The following OR51B5 variants were observed in gnomAD, a reference collection of about 807,000 sequenced individuals.
OR51B5 encodes olfactory receptor family 51 subfamily B member 5, also known as olfactory receptor 51B5.
For missense variants in OR51B5, 456 were observed against 374.6 expected (o/e 1.22, Z -1.79); for synonymous variants, 186 against 144.8 (o/e 1.28, Z -2.04).
chr11:5,422,017 G>A (rs1318155731), intron 1 of OR51B5: 1 of 561,460 alleles, frequency 1.8e-6, no homozygotes, highest in African/African-American at 1.9e-5. Context: ...GCAGTCTGCA[G>A]AATTGGGCTA....
At chr11:5,448,977 G>A (rs1042484909) in intron 1 of OR51B5, among the ~76,000 whole-genome samples, 3 of 152,204 alleles carry the variant, frequency 2.0e-5, no homozygotes, top group Non-Finnish European at 2.9e-5. Context: ...AAAGAGACAA[G>A]AAGAGTAAAA....
At chr11:5,416,083 C>T (rs1472274504) in intron 1 of OR51B5, among the ~76,000 whole-genome samples, 1 of 149,500 alleles carries the variant, frequency 6.7e-6, no homozygotes, top group Admixed American at 6.7e-5. Context: ...CCACCATGAT[C>T]AAGTGGGCTT....
At chr11:5,358,884 G>C (rs953045765) in intron 1 of OR51B5, among the ~76,000 whole-genome samples, 18 of 152,014 alleles carry the variant, frequency 1.2e-4, no homozygotes, top group African/African-American at 3.9e-4. Flanking sequence ...CAGAACCAAA[G>C]ACAAAAACCA....
intron 1 of OR51B5, among the ~76,000 whole-genome samples, chr11:5,402,281 C>G (rs566155927): frequency 6.6e-6 from 1 of 152,240 alleles, no homozygotes; most frequent in African/African-American, 2.4e-5. Flanking sequence ...TCCCAAAGTG[C>G]TGGAATTACA....
chr11:5,483,887 A>G (rs1340518967), intron 1 of OR51B5, among the ~76,000 whole-genome samples: 1 of 152,140 alleles, frequency 6.6e-6, no homozygotes, highest in Non-Finnish European at 1.5e-5. Flanking sequence ...GAGAAAGGAC[A>G]AGACATTTCA....
chr11:5,390,128 G>A (rs781156448), intron 1 of OR51B5: 1 of 1,613,800 alleles, frequency 6.2e-7, no homozygotes, highest in Admixed American at 1.7e-5. Flanking sequence ...GGCCTCCCAA[G>A]AGGAGCAGCG....
downstream of OR51B5, chr11:5,340,957 C>T (rs541175234): frequency 6.6e-6 from 1 of 152,038 alleles, no homozygotes; most frequent in African/African-American, 2.4e-5. Flanking sequence ...CATATATGCA[C>T]TCACACTCAC....
chr11:5,342,685 C>T, exon 1 of OR51B5: 1 of 1,613,890 alleles, frequency 6.2e-7, no homozygotes, highest in African/African-American at 1.3e-5. Flanking sequence ...GTGGAGGGAA[C>T]AGAAAATAGG....
chr11:5,425,825 T>C (rs1294424136), intron 1 of OR51B5, among the ~76,000 whole-genome samples: 1 of 152,152 alleles, frequency 6.6e-6, no homozygotes, highest in African/African-American at 2.4e-5. Context: ...AGATGTTAAA[T>C]GGATCCATTA....
At chr11:5,402,628 T>C (rs2133742291) in intron 1 of OR51B5, 1 of 471,296 alleles carries the variant, frequency 2.1e-6, no homozygotes, top group South Asian at 1.5e-5. Flanking sequence ...TTGGGGTTTT[T>C]ACCTACGACT....
chr11:5,345,938 T>C (rs1174608499), upstream of OR51B5: 2 of 152,062 alleles, frequency 1.3e-5, no homozygotes, highest in East Asian at 1.9e-4. Flanking sequence ...CTACTGAACA[T>C]ACAATGAGTG....
intron 1 of OR51B5, among the ~76,000 whole-genome samples, chr11:5,358,231 T>C (rs1318333996): frequency 1.3e-5 from 2 of 151,924 alleles, no homozygotes; most frequent in Non-Finnish European, 2.9e-5. Context: ...ATCAACAAAA[T>C]TGATAGACTG....
At chr11:5,389,260 G>A in intron 1 of OR51B5, 1 of 828,116 alleles carries the variant, frequency 1.2e-6, no homozygotes, top group Non-Finnish European at 1.9e-6. Context: ...TAGTGAGATT[G>A]GCAGAATTCA....
chr11:5,389,716 T>G, intron 1 of OR51B5: 3 of 1,613,920 alleles, frequency 1.9e-6, no homozygotes, highest in Non-Finnish European at 2.5e-6. Context: ...GTATCTACTT[T>G]GGAGCGTGTC....
Position 5,448,394 on chromosome 11 carries a change from A to G in OR51B5, n.84+57175T>C, listed in dbSNP as rs75650208. ...TGATAGCAACATTTAAGGAGAGACT[A>G]TTGTTGCATTGAGGTAGGGCATTTG... is the stretch of plus-strand genomic sequence containing the variant. On this transcript the variant is annotated intron_variant and non_coding_transcript_variant, in intron 1 of 4. Transcript: ENST00000415970. 3.2e-4 allele frequency among the ~76,000 whole-genome samples: 49 copies of G among 152,260 alleles called. No homozygotes were observed. In the East Asian group the frequency reaches 8.9e-3, roughly 28 times the overall value.
chr11:5,385,161 G>A (rs1165003067), intron 1 of OR51B5, among the ~76,000 whole-genome samples: 1 of 152,138 alleles, frequency 6.6e-6, no homozygotes, highest in Non-Finnish European at 1.5e-5. Flanking sequence ...TTTTAATTAT[G>A]TTGTAATTAG....
intron 1 of OR51B5, among the ~76,000 whole-genome samples, chr11:5,428,230 A>G (rs903173148): frequency 6.6e-6 from 1 of 152,174 alleles, no homozygotes; most frequent in Admixed American, 6.5e-5. Flanking sequence ...CTTGGAGATA[A>G]TATGGGTACA....
At chr11:5,494,147 A>G (rs1851616472) in intron 1 of OR51B5, among the ~76,000 whole-genome samples, 1 of 152,232 alleles carries the variant, frequency 6.6e-6, no homozygotes, top group African/African-American at 2.4e-5. Context: ...GGTCATCCCC[A>G]GTGGAATCAG....
intron 1 of OR51B5, among the ~76,000 whole-genome samples, chr11:5,469,902 T>C (rs1475293107): frequency 6.6e-6 from 1 of 152,142 alleles, no homozygotes; most frequent in Non-Finnish European, 1.5e-5. Context: ...TTCTAAGCTG[T>C]CTCTCCTCTC....
Sources: allele counts gnomAD v4.1 joint callset (sites outside exome capture counted in the v4.1 genomes callset), GRCh38; gene constraint gnomAD v4.1.1; transcripts MANE v1.5; gene names NCBI Gene and HGNC (gene_info 2026-07-23, HGNC 2026-07-21).